Variants in VEGFD observed in about 807,000 individuals in gnomAD.
The protein encoded by VEGFD is c-fos induced growth factor (vascular endothelial growth factor D).
VEGFD carries 26 observed loss-of-function variants against 28.0 expected under a neutral mutation model. The observed-to-expected ratio is 0.93, with a 90% CI of 0.68 to 1.29. The LOEUF (loss-of-function observed/expected upper bound fraction) is 1.29, where lower values mean the gene tolerates loss of function less well. Ranked by LOEUF, VEGFD falls within the 50% of genes most tolerant of loss-of-function variation. The pLI, the probability that VEGFD is intolerant of heterozygous loss-of-function variation, is 0.00. For synonymous variants in VEGFD, 93 were observed against 95.5 expected, an observed-to-expected ratio of 0.97 and a Z score of 0.15; for missense variants, 294 against 273.4, an observed-to-expected ratio of 1.08 and a Z score of -0.53.
chrX:15,379,254 C>T (rs1923509923), intron 1 of VEGFD, among the ~76,000 whole-genome samples: 1 of 112,086 alleles, frequency 8.9e-6, no homozygotes, highest in South Asian at 3.7e-4. Flanking sequence ...TTTCCTGCTG[C>T]ATTCCCAGCC....
chrX:15,361,851 T>TTTTTG (rs914486336), intron 2 of VEGFD, among the ~76,000 whole-genome samples: 5 of 111,013 alleles, frequency 4.5e-5, no homozygotes, highest in African/African-American at 1.7e-4. Flanking sequence ...TTTCTTTGTT[T>TTTTTG]TTTTGTTTTG....
At chrX:15,348,886 A>C (rs1922618324) in intron 5 of VEGFD, among the ~76,000 whole-genome samples, 1 of 112,661 alleles carries the variant, frequency 8.9e-6, no homozygotes, top group African/African-American at 3.2e-5. Context: ...AAGGGTCCTG[A>C]AGCAGGCCGA....
chrX:15,354,896 GA>G (rs1223027731), intron 4 of VEGFD, among the ~76,000 whole-genome samples: 1 of 111,563 alleles, frequency 9.0e-6, no homozygotes, highest in Non-Finnish European at 1.9e-5. Flanking sequence ...TGCATATTAA[GA>G]ACAAACGTGT....
chrX:15,350,923 A>G (rs1446239263), intron 5 of VEGFD, among the ~76,000 whole-genome samples: 1 of 100,462 alleles, frequency 1.0e-5, no homozygotes, highest in Non-Finnish European at 2.0e-5. Context: ...GTGCGGTGGC[A>G]TGACCTCGGC....
In VEGFD at chrX:15,363,174, G is replaced by A; in HGVS notation, c.236C>T (p.Ser79Phe). ...AGTGGACCGATGGGATGCTGAGCGA[G>A]AGTCCATACTGGTAAAACTTTTGAG... ...LRLKSFTSMDSRSASHRSTRF... is the reference protein window; with the variant it reads ...LRLKSFTSMDFRSASHRSTRF... The change falls in exon 2 of 7, where the codon TCT (serine) becomes TTT (phenylalanine). Residue 79 changes from serine to phenylalanine, a missense_variant. Physicochemically the swap from Ser to Phe is radical, Grantham distance 155. Coordinates refer to ENST00000297904, the MANE Select transcript of VEGFD (RefSeq NM_004469.5). The A allele has an allele frequency of 8.3e-7, 1 of 1,211,462 alleles. No individual in the cohort carries two copies. Among genetic ancestry groups the A allele is most frequent in the African/African-American group, 1.7e-5 (1 of 57,700 alleles).
At chrX:15,357,342 C>T (rs766834842) in intron 3 of VEGFD, among the ~76,000 whole-genome samples, 3 of 111,435 alleles carry the variant, frequency 2.7e-5, no homozygotes, top group African/African-American at 9.8e-5. Context: ...CCCCAGGACG[C>T]TGCCCTCCAT....
At chrX:15,356,419 A>G (rs1166391514) in intron 3 of VEGFD, among the ~76,000 whole-genome samples, 2 of 112,391 alleles carry the variant, frequency 1.8e-5, no homozygotes, top group African/African-American at 3.2e-5. Context: ...TCAAAAATGC[A>G]TATTTGGAAG....
chrX:15,347,028 C>T, intron 6 of VEGFD, 136 bp downstream of exon 6: 1 of 533,457 alleles, frequency 1.9e-6, no homozygotes, highest in Non-Finnish European at 3.1e-6. Context: ...TCCTTAGCTG[C>T]TAAACCTCTG....
intron 2 of VEGFD, among the ~76,000 whole-genome samples, chrX:15,359,228 G>A (rs1246398895): frequency 9.1e-6 from 1 of 109,977 alleles, no homozygotes; most frequent in Admixed American, 9.8e-5. Context: ...AAAGTGATGG[G>A]ATACCACTTC....
intron 1 of VEGFD, among the ~76,000 whole-genome samples, chrX:15,375,172 C>T (rs1923406471): frequency 8.9e-6 from 1 of 111,826 alleles, no homozygotes; most frequent in Non-Finnish European, 1.9e-5. Flanking sequence ...AGACAACTTT[C>T]CCAGTGTCAA....
At chrX:15,351,819 T>G (rs1436952620) in intron 5 of VEGFD, among the ~76,000 whole-genome samples, 2 of 112,808 alleles carry the variant, frequency 1.8e-5, no homozygotes, top group Non-Finnish European at 3.7e-5. Flanking sequence ...TTGGATAGAT[T>G]GGATTAAATA....
At chrX:15,357,076 G>T (rs1922886098) in intron 3 of VEGFD, among the ~76,000 whole-genome samples, 1 of 111,803 alleles carries the variant, frequency 8.9e-6, no homozygotes, top group Non-Finnish European at 1.9e-5. Context: ...AATGTAGTTT[G>T]ATGTACAGTT....
Position 15,355,181 on chromosome X carries a change from T to C in VEGFD, c.610A>G (p.Arg204Gly). ...TCTTCAGGGATCTGGATGGATCTTCTGATAATTGAGTATGGATGGCGGGGG... is the reference window on the plus strand; with the variant it reads ...TCTTCAGGGATCTGGATGGATCTTCCGATAATTGAGTATGGATGGCGGGGG... ...TAPRHPYSII[R>G]RSIQIPEEDR... The change falls in exon 4 of 7, where the codon AGA becomes GGA. Residue 204 changes from arginine (R) to glycine (G), a missense_variant. By Grantham distance (125) the Arg-to-Gly change is moderately radical. Coordinates refer to ENST00000297904, the MANE Select transcript of VEGFD (RefSeq NM_004469.5). 8.3e-7 allele frequency: 1 copy of C among 1,201,410 alleles called. No individual in the cohort carries two copies. Among genetic ancestry groups the C allele is most frequent in the Non-Finnish European group, 1.1e-6 (1 of 892,424 alleles).
At position 15,345,780 on chromosome X, in the gene VEGFD, CAG is replaced by C. The variant is rs1270885442; in HGVS notation, c.*351_*352del. On this transcript the variant is annotated 3_prime_UTR_variant, in exon 7 of 7. Coordinates refer to ENST00000297904, the MANE Select transcript of VEGFD (RefSeq NM_004469.5). The stretch of plus-strand genomic sequence containing the variant: ...CAAGAGTTGCGATTAGCAAAGGACT[CAG>C]AGACTACAGTTTTCCTCATCTGCTC... 3 of 173,335 alleles carry C rather than the reference CAG, an allele frequency of 1.7e-5. No homozygotes were observed. Among genetic ancestry groups the C allele is most frequent in the Non-Finnish European group, 3.2e-5 (3 of 92,485 alleles). The allele number at this position is 173,335 out of a possible 1,213,427, so 14.3% of individuals were successfully genotyped here. A position where few individuals can be genotyped will look rare whatever the true frequency, so the allele number is the denominator to read the frequency against.
intron 5 of VEGFD, among the ~76,000 whole-genome samples, chrX:15,351,625 C>T (rs939649204): frequency 6.2e-5 from 7 of 112,151 alleles, no homozygotes; most frequent in Non-Finnish European, 1.1e-4. Flanking sequence ...AGTTGATGCT[C>T]TTGAGCTGGG....
Position 15,347,297 on chromosome X carries a change from A to C in VEGFD, c.805T>G (p.Cys269Gly), listed in dbSNP as rs1433862569. ...GPHMMFDEDR[C>G]ECVCKTPCPK... ...CATGGTGTTTTACAGACACACTCGC[A>C]ACGATCTTCGTCAAACATCATGTGT... Residue 269 changes from cysteine (C) to glycine (G), a missense_variant, in exon 6 of 7, where the codon TGC (cysteine) becomes GGC (glycine). By Grantham distance (159) the Cys-to-Gly change is radical (BLOSUM62 -3). Coordinates refer to ENST00000297904, the MANE Select transcript of VEGFD (RefSeq NM_004469.5). 2 of 1,209,933 alleles carry C rather than the reference A, an allele frequency of 1.7e-6. No homozygotes were observed. The highest frequency in any genetic ancestry group is 2.2e-6 in the Non-Finnish European group (2 of 895,125).
At chrX:15,375,760 T>C (rs1203709823) in intron 1 of VEGFD, among the ~76,000 whole-genome samples, 4 of 111,760 alleles carry the variant, frequency 3.6e-5, no homozygotes, top group Non-Finnish European at 7.5e-5. Flanking sequence ...CATGGCTGTC[T>C]GGGTTTTTTA....
chrX:15,384,259 T>TA lies in VEGFD; in HGVS notation c.-314dup, dbSNP rs773752520. 2.7e-4 allele frequency: 51 copies of TA among 187,653 alleles called. No homozygotes were observed. The highest frequency in any genetic ancestry group is 3.1e-4 in the Non-Finnish European group (32 of 102,976). 15.5% of individuals were successfully genotyped at this position (187,653 alleles called of 1,213,427 possible). The stretch of plus-strand genomic sequence containing the variant: ...TAAATTTACTTCATGTCCAGAAAAT[T>TA]AAAAAAATCTCTCCAATGTATGCCG... On this transcript the variant is annotated 5_prime_UTR_variant, in exon 1 of 7. Coordinates refer to ENST00000297904, the MANE Select transcript of VEGFD (RefSeq NM_004469.5).
chrX:15,366,115 T>G (rs1318279221), intron 1 of VEGFD, among the ~76,000 whole-genome samples: 2 of 111,338 alleles, frequency 1.8e-5, no homozygotes, highest in African/African-American at 6.6e-5. Flanking sequence ...CACGCCATTC[T>G]CCCTCCTCAG....
Sources: allele counts gnomAD v4.1 joint callset (sites outside exome capture counted in the v4.1 genomes callset), GRCh38; gene constraint gnomAD v4.1.1; transcripts MANE v1.5; gene names NCBI Gene and HGNC (gene_info 2026-07-23, HGNC 2026-07-21).